Variants in KIAA1958 observed in about 807,000 individuals in gnomAD.
The protein encoded by KIAA1958 is uncharacterized protein KIAA1958.
In KIAA1958, 14 loss-of-function variants were observed where a neutral mutation model predicts 47.2. That is an observed-to-expected ratio of 0.30 (90% CI 0.20 to 0.46). KIAA1958 has a LOEUF of 0.46. Among genes scored for constraint, KIAA1958 ranks in the 20% least tolerant of loss-of-function variants. KIAA1958 has a pLI of 1.00. For synonymous variants in KIAA1958, 354 were observed against 353.3 expected (o/e 1.00, Z -0.02); for missense variants, 803 against 909.2 (o/e 0.88, Z 1.50).
chr9:112,508,648 C>T (rs1366811166), intron 1 of KIAA1958, among the ~76,000 whole-genome samples: 1 of 152,146 alleles, frequency 6.6e-6, no homozygotes. Context: ...TGTACAATGC[C>T]AGAAGGATGG....
At chr9:112,599,715 G>A (rs1031704676) in intron 2 of KIAA1958, among the ~76,000 whole-genome samples, 3 of 152,158 alleles carry the variant, frequency 2.0e-5, no homozygotes, top group Non-Finnish European at 4.4e-5. Context: ...CTTAACTCAA[G>A]GAAAGTGAGA....
chr9:112,606,625 A>C (rs1033912839), intron 2 of KIAA1958, among the ~76,000 whole-genome samples: 3 of 152,214 alleles, frequency 2.0e-5, no homozygotes, highest in Admixed American at 1.3e-4. Context: ...AAAATTTTTT[A>C]TCATCAGCAT....
chr9:112,667,117 AG>A lies in KIAA1958; in HGVS notation c.*7049del, dbSNP rs1010456588. On this transcript the variant is annotated 3_prime_UTR_variant, in exon 4 of 4. Coordinates refer to ENST00000337530, the MANE Select transcript of KIAA1958 (RefSeq NM_133465.4). ...GGAAGGAAAAGGATGCTGCTTCAAT[AG>A]AAAAGTAAACTAGAAATTGGACTTG... 1 of 152,248 alleles carries A rather than the reference AG, an allele frequency of 6.6e-6. No homozygotes were observed. Among genetic ancestry groups the A allele is most frequent in the African/African-American group, 2.4e-5 (1 of 41,464 alleles). The allele number at this position is 152,248 out of a possible 1,614,324, so 9.4% of individuals were successfully genotyped here. A position where few individuals can be genotyped will look rare whatever the true frequency, so the allele number is the denominator to read the frequency against.
chr9:112,615,419 C>CA (rs35748661), intron 2 of KIAA1958, among the ~76,000 whole-genome samples: 57,046 of 103,340 alleles, frequency 0.55, 14,903 homozygotes, highest in Non-Finnish European at 0.65. Context: ...GGCTCCGTCT[C>CA]AAAAAAAAAA....
At chr9:112,542,296 A>G (rs1247789094) in intron 1 of KIAA1958, among the ~76,000 whole-genome samples, 1 of 152,200 alleles carries the variant, frequency 6.6e-6, no homozygotes, top group African/African-American at 2.4e-5. Flanking sequence ...GAATATGAAT[A>G]TAAACTTATG....
At chr9:112,572,798 A>G (rs528814407) in intron 1 of KIAA1958, among the ~76,000 whole-genome samples, 14 of 152,362 alleles carry the variant, frequency 9.2e-5, no homozygotes, top group African/African-American at 3.4e-4. Context: ...CCGTGGCCAC[A>G]TCAACAGAGA....
intron 2 of KIAA1958, chr9:112,582,650 A>T (rs1417307876): frequency 2.0e-5 from 3 of 152,902 alleles, no homozygotes; most frequent in Non-Finnish European, 4.4e-5. Flanking sequence ...CCTTTAGAGG[A>T]TCAGATAGAG....
rs912202034 is a variant in KIAA1958, at chr9:112,664,960, A to G, written c.*4891A>G. Reference sequence around the variant, plus strand: ...ATTTTGAATATTCCTTGTTCATTACAGTCCAGAAAATCTGCAGAAGTTCTC... The same window carrying G: ...ATTTTGAATATTCCTTGTTCATTACGGTCCAGAAAATCTGCAGAAGTTCTC... On this transcript the variant is annotated 3_prime_UTR_variant, in exon 4 of 4. Transcript: ENST00000337530. 3.9e-5 allele frequency: 6 copies of G among 152,224 alleles called. No individual in the cohort carries two copies. Among genetic ancestry groups the G allele is most frequent in the Non-Finnish European group, 8.8e-5 (6 of 68,040 alleles). The allele number at this position is 152,224 out of a possible 1,614,324, so 9.4% of individuals were successfully genotyped here. A position where few individuals can be genotyped will look rare whatever the true frequency, so the allele number is the denominator to read the frequency against.
intron 1 of KIAA1958, among the ~76,000 whole-genome samples, chr9:112,488,272 G>T (rs1248753837): frequency 6.6e-6 from 1 of 152,096 alleles, no homozygotes; most frequent in Non-Finnish European, 1.5e-5. Flanking sequence ...ATAACCCAAC[G>T]ATTGGGTTGT....
intron 2 of KIAA1958, among the ~76,000 whole-genome samples, chr9:112,639,534 C>T (rs934126897): frequency 1.3e-5 from 2 of 152,192 alleles, no homozygotes; most frequent in Admixed American, 1.3e-4. Flanking sequence ...CAGGCCCTGA[C>T]TCTTCACACA....
At position 112,593,479 on chromosome 9, in the gene KIAA1958, C is replaced by G. The variant is rs539327797; in HGVS notation, c.1171+18228C>G. Among the ~76,000 whole-genome samples, 9 of 152,346 alleles carry G rather than the reference C, an allele frequency of 5.9e-5. No individual in the cohort carries two copies. In the South Asian group the frequency reaches 1.9e-3, roughly 32 times the overall value. On this transcript the variant is annotated intron_variant, in intron 2 of 3. Transcript: ENST00000337530. ...CTTAGATTACTGGTCTAAAAACTAA[C>G]AACATTTGAAAGAATTGTTCCATAA...
chr9:112,616,080 T>A (rs1418741538), intron 2 of KIAA1958, among the ~76,000 whole-genome samples: 1 of 152,228 alleles, frequency 6.6e-6, no homozygotes, highest in Non-Finnish European at 1.5e-5. Context: ...TTGTAAACAG[T>A]CAAGGAAGCC....
chr9:112,500,904 T>C (rs181616571), intron 1 of KIAA1958, among the ~76,000 whole-genome samples: 1 of 151,692 alleles, frequency 6.6e-6, no homozygotes, highest in African/African-American at 2.4e-5. Flanking sequence ...ATCCCAGGAA[T>C]TTCAAGATCA....
At chr9:112,654,512 C>T (rs987885037) in intron 3 of KIAA1958, among the ~76,000 whole-genome samples, 4 of 151,954 alleles carry the variant, frequency 2.6e-5, no homozygotes, top group Admixed American at 6.6e-5. Flanking sequence ...AAAAGCACTC[C>T]GCACAAAGAA....
intron 2 of KIAA1958, among the ~76,000 whole-genome samples, chr9:112,588,122 T>C (rs535783416): frequency 9.8e-5 from 15 of 152,358 alleles, no homozygotes; most frequent in African/African-American, 3.6e-4. Context: ...AATCTTCTTA[T>C]TGTCACAAGT....
At chr9:112,540,818 T>G (rs1255359427) in intron 1 of KIAA1958, among the ~76,000 whole-genome samples, 2 of 151,748 alleles carry the variant, frequency 1.3e-5, no homozygotes, top group African/African-American at 4.8e-5. Flanking sequence ...CGGGATTAGG[T>G]GATTCTCCCA....
chr9:112,597,506 A>AT (rs1238806001), intron 2 of KIAA1958, among the ~76,000 whole-genome samples: 1 of 152,152 alleles, frequency 6.6e-6, no homozygotes, highest in Non-Finnish European at 1.5e-5. Flanking sequence ...CTTCTCTTAC[A>AT]TGTCTCAGCA....
intron 2 of KIAA1958, 79 bp downstream of exon 2, chr9:112,575,330 C>A: frequency 2.1e-6 from 2 of 961,438 alleles, no homozygotes; most frequent in Admixed American, 2.6e-5. Context: ...TAAAACCATT[C>A]ACTCAGTTTG....
chr9:112,633,603 C>T (rs1836748306), intron 2 of KIAA1958, among the ~76,000 whole-genome samples: 1 of 151,980 alleles, frequency 6.6e-6, no homozygotes, highest in Non-Finnish European at 1.5e-5. Flanking sequence ...AGAATATTAC[C>T]CGAACCCTAG....
Sources: gnomAD v4.1 joint callset for allele counts (sites outside exome capture counted in the v4.1 genomes callset) on GRCh38, gnomAD v4.1.1 for gene constraint, MANE v1.5 for transcripts, NCBI Gene and HGNC (gene_info 2026-07-23, HGNC 2026-07-21) for gene names.